CRCP: variants seen among roughly 807,000 people sequenced by gnomAD.
CRCP encodes CGRP receptor component.
Under a neutral mutation model 18.5 loss-of-function variants are expected in CRCP, and 18 were observed. That is an observed-to-expected ratio of 0.97 (90% CI 0.67 to 1.44). The LOEUF (loss-of-function observed/expected upper bound fraction) is 1.44. Ranked by LOEUF, CRCP falls within the 40% of genes most tolerant of loss-of-function variation. CRCP has a pLI of 0.00. For synonymous variants in CRCP, 53 were observed against 62.9 expected (o/e 0.84, Z 0.75); for missense variants, 130 against 176.4 (o/e 0.74, Z 1.49).
In CRCP at chr7:66,120,571, C is replaced by T. The variant is rs906915788; in HGVS notation, c.8+5601C>T. 6 of 151,966 alleles carry T rather than the reference C, an allele frequency of 3.9e-5. 1 individual carries two copies. The highest frequency in any genetic ancestry group is 1.2e-4 in the African/African-American group (5 of 41,458). 9.4% of individuals were successfully genotyped at this position (151,966 alleles called of 1,614,324 possible). A position where few individuals can be genotyped will look rare whatever the true frequency, so the allele number is the denominator to read the frequency against. Reference sequence around the variant, plus strand: ...TCCTCACCTGGTCTTCAACAGGAGGCGTGACCTTTGGAAGTCTGCTCCTTA... The same window carrying T: ...TCCTCACCTGGTCTTCAACAGGAGGTGTGACCTTTGGAAGTCTGCTCCTTA... On this transcript the variant is annotated intron_variant, in intron 1 of 5. Coordinates refer to ENST00000395326, the MANE Select transcript of CRCP (RefSeq NM_014478.5).
At chr7:66,129,506 C>T (rs1192519815) in intron 2 of CRCP, among the ~76,000 whole-genome samples, 1 of 152,020 alleles carries the variant, frequency 6.6e-6, no homozygotes, top group Non-Finnish European at 1.5e-5. Flanking sequence ...CAAAAAAAAG[C>T]TCCCAGAGTG....
chr7:66,115,328 G>A (rs1262745470), intron 1 of CRCP, among the ~76,000 whole-genome samples: 1 of 152,146 alleles, frequency 6.6e-6, no homozygotes, highest in African/African-American at 2.4e-5. Context: ...GGCTATAAAG[G>A]CCTGAGTCTG....
intron 3 of CRCP, among the ~76,000 whole-genome samples, chr7:66,132,037 A>AC (rs71051341): frequency 6.6e-6 from 1 of 152,294 alleles, no homozygotes; most frequent in Non-Finnish European, 1.5e-5. Flanking sequence ...CTGGGATTAC[A>AC]GGCGTGAGCC....
intron 5 of CRCP, among the ~76,000 whole-genome samples, chr7:66,147,179 T>A (rs1324620811): frequency 6.6e-6 from 1 of 151,952 alleles, no homozygotes; most frequent in Non-Finnish European, 1.5e-5. Flanking sequence ...CCATCTCTAC[T>A]AAAAGTACAG....
intron 4 of CRCP, among the ~76,000 whole-genome samples, chr7:66,140,580 C>G (rs1788106558): frequency 6.6e-6 from 1 of 151,852 alleles, no homozygotes; most frequent in Non-Finnish European, 1.5e-5. Flanking sequence ...TTAGTAGAGA[C>G]GGGGTTTCTC....
chr7:66,116,801 A>G (rs1255208603), intron 1 of CRCP, among the ~76,000 whole-genome samples: 1 of 151,756 alleles, frequency 6.6e-6, no homozygotes, highest in Non-Finnish European at 1.5e-5. Context: ...TTTCATCCTC[A>G]CTGGTCTACG....
intron 3 of CRCP, among the ~76,000 whole-genome samples, chr7:66,132,767 G>A (rs554541355): frequency 1.1e-4 from 16 of 152,150 alleles, no homozygotes; most frequent in African/African-American, 2.9e-4. Flanking sequence ...AAAATTAGCC[G>A]GGCGTAGTGG....
chr7:66,127,471 G>A (rs560909959), intron 1 of CRCP, among the ~76,000 whole-genome samples: 9 of 152,194 alleles, frequency 5.9e-5, no homozygotes, highest in Non-Finnish European at 1.2e-4. Context: ...TAGTAATGGG[G>A]AGAGGACATG....
At chr7:66,140,428 G>C (rs1333590843) in intron 4 of CRCP, among the ~76,000 whole-genome samples, 1 of 138,770 alleles carries the variant, frequency 7.2e-6, no homozygotes, top group East Asian at 2.2e-4. Flanking sequence ...TCTTGCTCTT[G>C]TTACCCAGGC....
chr7:66,151,645 G>T (rs1484395529), intron 5 of CRCP, among the ~76,000 whole-genome samples: 1 of 145,512 alleles, frequency 6.9e-6, no homozygotes, highest in Non-Finnish European at 1.5e-5. Context: ...TCTTCGAGAT[G>T]CATATGCAAC....
intron 3 of CRCP, among the ~76,000 whole-genome samples, chr7:66,131,558 A>G (rs538400988): frequency 6.6e-6 from 1 of 151,948 alleles, no homozygotes; most frequent in South Asian, 2.1e-4. Flanking sequence ...GGATCTTCCC[A>G]CTGCAGCGTC....
In CRCP at chr7:66,127,713, C is replaced by T. The variant is rs1787657217; in HGVS notation, c.18C>T (p.Ala6=). 6.2e-7 allele frequency: 1 copy of T among 1,613,988 alleles called. No individual in the cohort carries two copies. Among genetic ancestry groups the T allele is most frequent in the Non-Finnish European group, 8.5e-7 (1 of 1,180,010 alleles). Residue 6 remains alanine (A), a synonymous_variant, in exon 2 of 6, where the codon GCC becomes GCT. Coordinates refer to ENST00000395326, the MANE Select transcript of CRCP (RefSeq NM_014478.5). ...TACTTTTCTTTTTCAGGAAGGATGC[C>T]AATTCTGCGCTTCTCAGTAACTACG... is the stretch of plus-strand genomic sequence containing the variant. The part of the protein sequence containing the change: MEVKD[A]NSALLSNYEV...
intron 1 of CRCP, among the ~76,000 whole-genome samples, chr7:66,119,028 C>CGAA (rs1787355929): frequency 6.6e-6 from 1 of 152,152 alleles, no homozygotes; most frequent in Admixed American, 6.6e-5. Context: ...TGACCTATCT[C>CGAA]GTCTGATTGT....
At position 66,151,884 on chromosome 7, in the gene CRCP, C is replaced by T. The variant is rs180807227; in HGVS notation, c.298-324C>T. 1.9e-4 allele frequency among the ~76,000 whole-genome samples: 29 copies of T among 151,268 alleles called. No individual in the cohort carries two copies. In the East Asian group the frequency reaches 5.5e-3, roughly 29 times the overall value. On this transcript the variant is annotated intron_variant, in intron 5 of 5. Coordinates refer to ENST00000395326, the MANE Select transcript of CRCP (RefSeq NM_014478.5). ...AGCTGGGACTATTGGCACACACCAC[C>T]ATGCTTGGTTGATTTTTTTTGTTTG...
chr7:66,119,447 A>T (rs1320215877), intron 1 of CRCP, among the ~76,000 whole-genome samples: 1 of 152,200 alleles, frequency 6.6e-6, no homozygotes, highest in African/African-American at 2.4e-5. Context: ...TGGGAACTGC[A>T]GCTTGAAGCC....
chr7:66,129,330 CA>C (rs1415583311), intron 2 of CRCP, among the ~76,000 whole-genome samples: 2 of 151,392 alleles, frequency 1.3e-5, no homozygotes, highest in African/African-American at 4.9e-5. Context: ...GACTCCGTCT[CA>C]AAAAAAATAA....
chr7:66,137,365 T>C (rs1584086660), intron 4 of CRCP, among the ~76,000 whole-genome samples: 1 of 152,194 alleles, frequency 6.6e-6, no homozygotes, highest in Admixed American at 6.6e-5. Context: ...GTGTATTCTT[T>C]AGGATTTTCT....
At position 66,152,343 on chromosome 7, in the gene CRCP, G is replaced by A; in HGVS notation, c.433G>A (p.Glu145Lys). Residue 145 changes from glutamate (E) to lysine (K), a missense_variant, in exon 6 of 6, where the codon GAG (glutamate) becomes AAG (lysine). Transcript: ENST00000395326. ...AAACAGCAATGTGGCAATGGACGAAGAGGACCCAGCATAGAAGAGCACAGC... is the reference window on the plus strand; with the variant it reads ...AAACAGCAATGTGGCAATGGACGAAAAGGACCCAGCATAGAAGAGCACAGC... Reference protein sequence around the residue: ...NTNSNVAMDEEDPA With the variant: ...NTNSNVAMDEKDPA The A allele has an allele frequency of 1.2e-6, 2 of 1,614,086 alleles. No individual in the cohort carries two copies. Among genetic ancestry groups the A allele is most frequent in the Non-Finnish European group, 1.7e-6 (2 of 1,180,040 alleles).
At chr7:66,146,975 G>A (rs1788317205) in intron 5 of CRCP, among the ~76,000 whole-genome samples, 1 of 152,180 alleles carries the variant, frequency 6.6e-6, no homozygotes, top group Non-Finnish European at 1.5e-5. Context: ...AAGAGATGAG[G>A]ATTAGTGTGA....
Sources: allele counts gnomAD v4.1 joint callset (sites outside exome capture counted in the v4.1 genomes callset), GRCh38; gene constraint gnomAD v4.1.1; transcripts MANE v1.5; gene names NCBI Gene and HGNC (gene_info 2026-07-23, HGNC 2026-07-21).